STPG2: variants seen among roughly 807,000 people sequenced by gnomAD.
The protein encoded by STPG2 is sperm tail PG-rich repeat containing 2.
In STPG2, 56 loss-of-function variants were observed where a neutral mutation model predicts 54.2. The ratio of observed to expected loss-of-function variants is 1.03; its 90% CI spans 0.83 to 1.29. STPG2 has a LOEUF of 1.29. STPG2 is among the 50% of genes most tolerant of loss of function. STPG2 has a pLI of 0.00. For synonymous variants in STPG2, 200 were observed against 181.8 expected (o/e 1.10, Z -0.81); for missense variants, 596 against 544.9 (o/e 1.09, Z -0.93).
At chr4:97,803,871 C>A (rs1487611397) in intron 9 of STPG2, among the ~76,000 whole-genome samples, 3 of 152,146 alleles carry the variant, frequency 2.0e-5, no homozygotes, top group African/African-American at 7.2e-5. Flanking sequence ...ATACTGACTT[C>A]TTAATCAATT....
chr4:98,077,225 T>TTTTTTGCTG (rs1553939674), intron 5 of STPG2, among the ~76,000 whole-genome samples: 1 of 148,570 alleles, frequency 6.7e-6, no homozygotes, highest in Non-Finnish European at 1.5e-5. Context: ...CCTCAATAGT[T>TTTTTTGCTG]TTGTTGTTGT....
intron 9 of STPG2, among the ~76,000 whole-genome samples, chr4:97,730,840 T>A (rs1724774363): frequency 6.6e-6 from 1 of 152,222 alleles, no homozygotes; most frequent in Admixed American, 6.5e-5. Flanking sequence ...ATCCCTGTAG[T>A]GAATTTTTCA....
At chr4:97,879,759 G>T (rs146365428) in intron 8 of STPG2, among the ~76,000 whole-genome samples, 2 of 151,928 alleles carry the variant, frequency 1.3e-5, no homozygotes, top group East Asian at 3.9e-4. Context: ...AACACAATAG[G>T]GTATCATCTC....
chr4:97,494,607 T>G (rs1730567538), intron 4 of STPG2, among the ~76,000 whole-genome samples: 2 of 151,614 alleles, frequency 1.3e-5, no homozygotes, highest in African/African-American at 4.8e-5. Flanking sequence ...TCCAAGTAGC[T>G]GATCCTGAGG....
intron 10 of STPG2, among the ~76,000 whole-genome samples, chr4:97,648,256 T>C (rs1721968578): frequency 1.3e-5 from 2 of 152,146 alleles, no homozygotes; most frequent in African/African-American, 4.8e-5. Flanking sequence ...AGATGAAGCA[T>C]GTGCTTTCCA....
chr4:97,891,044 C>T (rs552448252), intron 8 of STPG2, among the ~76,000 whole-genome samples: 113 of 151,746 alleles, frequency 7.4e-4, no homozygotes, highest in African/African-American at 2.5e-3. Context: ...CCAAAAAGTG[C>T]TAGAAATAAT....
Position 97,636,453 on chromosome 4 carries a change from C to T in STPG2, c.1320+76246G>A, listed in dbSNP as rs923741774. ...AGAACTAGAAAAGCAAGAGCAAACA[C>T]ATTCAAAAGCTAGCAGAAGGCAAGA... On this transcript the variant is annotated intron_variant, in intron 10 of 10. Transcript: ENST00000295268. 4.2e-3 allele frequency among the ~76,000 whole-genome samples: 606 copies of T among 144,510 alleles called. 3 individuals carry two copies. The highest frequency in any genetic ancestry group is 0.02 in the South Asian group (88 of 4,442). The allele number at this position is 144,510 out of a possible 152,430, so 94.8% of individuals were successfully genotyped here. A position where few individuals can be genotyped will look rare whatever the true frequency, so the allele number is the denominator to read the frequency against.
chr4:97,747,798 T>A (rs907814242), intron 9 of STPG2, among the ~76,000 whole-genome samples: 4 of 151,494 alleles, frequency 2.6e-5, no homozygotes, highest in African/African-American at 9.7e-5. Flanking sequence ...CTTGATTTCT[T>A]GTTCAACAAT....
At chr4:98,125,942 T>G (rs1739817603) in intron 3 of STPG2, among the ~76,000 whole-genome samples, 1 of 152,196 alleles carries the variant, frequency 6.6e-6, no homozygotes, top group Non-Finnish European at 1.5e-5. Context: ...GCAGTCTGGC[T>G]ATAGTCTGCC....
At position 97,610,923 on chromosome 4, in the gene STPG2, T is replaced by C. The variant is rs551995628; in HGVS notation, c.1321-51806A>G. On this transcript the variant is annotated intron_variant, in intron 10 of 10. Coordinates refer to ENST00000295268, the MANE Select transcript of STPG2 (RefSeq NM_174952.3). ...AACTGGAACTACAGTAAAATAAAAG[T>C]AAATTTTAGAAAACACATAGGTGAA... is the stretch of plus-strand genomic sequence containing the variant. Among the ~76,000 whole-genome samples the C allele has an allele frequency of 2.6e-5, 4 of 152,180 alleles. No individual in the cohort carries two copies. The South Asian group carries it at 8.3e-4, about 32-fold the overall frequency.
chr4:97,682,633 AG>A (rs1723069355), intron 10 of STPG2, among the ~76,000 whole-genome samples: 1 of 151,806 alleles, frequency 6.6e-6, no homozygotes, highest in African/African-American at 2.4e-5. Context: ...CACTATCCTT[AG>A]TACTTATGTA....
chr4:97,783,641 C>T (rs1207874422), intron 9 of STPG2, among the ~76,000 whole-genome samples: 1 of 152,208 alleles, frequency 6.6e-6, no homozygotes, highest in Non-Finnish European at 1.5e-5. Flanking sequence ...TTTACTGCGG[C>T]ACTATTCACA....
intron 5 of STPG2, among the ~76,000 whole-genome samples, chr4:97,992,369 T>A (rs577755291): frequency 1.3e-5 from 2 of 152,270 alleles, no homozygotes; most frequent in East Asian, 3.9e-4. Context: ...CTTTCGCCAC[T>A]TTATGTTTTT....
intron 4 of STPG2, among the ~76,000 whole-genome samples, chr4:97,544,673 A>C (rs2148863985): frequency 6.6e-6 from 1 of 152,244 alleles, no homozygotes; most frequent in Non-Finnish European, 1.5e-5. Flanking sequence ...CCAACATATT[A>C]AAGGCTGTAA....
intron 9 of STPG2, among the ~76,000 whole-genome samples, chr4:97,836,862 TTAA>T (rs1335867403): frequency 4.0e-5 from 6 of 149,032 alleles, no homozygotes; most frequent in Non-Finnish European, 7.4e-5. Context: ...TAAATGATAA[TTAA>T]TAACAATAAA....
intron 9 of STPG2, among the ~76,000 whole-genome samples, chr4:97,807,681 T>C (rs186519503): frequency 6.6e-5 from 10 of 151,942 alleles, no homozygotes; most frequent in Admixed American, 5.9e-4. Flanking sequence ...GAAGTATTTA[T>C]TTGGAATTGA....
chr4:97,812,105 G>A (rs1042510945), intron 9 of STPG2, among the ~76,000 whole-genome samples: 9 of 152,004 alleles, frequency 5.9e-5, no homozygotes, highest in Non-Finnish European at 1.2e-4. Context: ...GTGCTAAATA[G>A]TTAAATGCAG....
chr4:98,106,171 T>A (rs540410128), intron 4 of STPG2, 107 bp from the exon 5 acceptor site: 1 of 812,806 alleles, frequency 1.2e-6, no homozygotes, highest in African/African-American at 1.8e-5. Flanking sequence ...AATTAAACTA[T>A]GGAATAATAA....
At chr4:98,032,960 T>C (rs1403645362) in intron 5 of STPG2, among the ~76,000 whole-genome samples, 2 of 152,190 alleles carry the variant, frequency 1.3e-5, no homozygotes, top group Non-Finnish European at 1.5e-5. Context: ...GGGAAATTTA[T>C]AGCACTAAAT....
Sources: allele counts gnomAD v4.1 joint callset (sites outside exome capture counted in the v4.1 genomes callset), GRCh38; gene constraint gnomAD v4.1.1; transcripts MANE v1.5; gene names NCBI Gene and HGNC (gene_info 2026-07-23, HGNC 2026-07-21).